The following GGNBP2 variants were observed in gnomAD, a reference collection of about 807,000 sequenced individuals.
The protein encoded by GGNBP2 is gametogenetin-binding protein 2.
In GGNBP2, 10 loss-of-function variants were observed where a neutral mutation model predicts 85.9. The ratio of observed to expected loss-of-function variants is 0.12; its 90% CI spans 0.07 to 0.20. The LOEUF (loss-of-function observed/expected upper bound fraction) is 0.20, where lower values mean the gene tolerates loss of function less well. Ranked by LOEUF, GGNBP2 falls within the 10% of genes least tolerant of loss-of-function variation. The probability of loss-of-function intolerance (pLI) is 1.00; values close to 1 mark genes in which losing one functional copy is unlikely to be tolerated. For synonymous variants in GGNBP2, 287 were observed against 285.7 expected (o/e 1.00, Z -0.05); for missense variants, 595 against 857.8 (o/e 0.69, Z 3.83).
intron 1 of GGNBP2, 160 bp from the exon 2 acceptor site, chr17:36,545,459 C>T (rs1056518982): frequency 5.0e-6 from 2 of 401,852 alleles, no homozygotes; most frequent in Non-Finnish European, 8.8e-6. Context: ...GGGGGCGGGT[C>T]CCGGCGGCGC....
chr17:36,581,410 G>A lies in GGNBP2; in HGVS notation c.1087G>A (p.Glu363Lys), dbSNP rs1361210605. 6.2e-7 allele frequency: 1 copy of A among 1,613,658 alleles called. No homozygotes were observed. Among genetic ancestry groups the A allele is most frequent in the Admixed American group, 1.7e-5 (1 of 59,982 alleles). Residue 363 changes from glutamate (E) to lysine (K), a missense_variant, in exon 9 of 14, where the codon GAA (glutamate) becomes AAA (lysine). Transcript: ENST00000613102. ...EQLCEEFSEE[E>K]RVRELKQEKK... is the part of the protein sequence containing the mutation. ...ACTTTGTGAGGAATTTTCAGAAGAGGAACGAGTAAGAGAACTCAAGCAAGA... is the reference window on the plus strand; with the variant it reads ...ACTTTGTGAGGAATTTTCAGAAGAGAAACGAGTAAGAGAACTCAAGCAAGA...
intron 2 of GGNBP2, among the ~76,000 whole-genome samples, chr17:36,549,621 A>G (rs1293826503): frequency 6.6e-6 from 1 of 152,236 alleles, no homozygotes; most frequent in Admixed American, 6.5e-5. Flanking sequence ...ACACAGATAC[A>G]GTTAATATAT....
chr17:36,586,482 C>A (rs1567836340), intron 12 of GGNBP2: 1 of 398,276 alleles, frequency 2.5e-6, no homozygotes, highest in South Asian at 3.2e-5. Context: ...TAGTCCCTAT[C>A]ATATTAGGTT....
chr17:36,575,382 G>A (rs1555607548), intron 6 of GGNBP2: 2 of 290,900 alleles, frequency 6.9e-6, no homozygotes, highest in East Asian at 1.0e-4. Context: ...GTGTGCTTTT[G>A]GTGTCATAGC....
intron 2 of GGNBP2, among the ~76,000 whole-genome samples, chr17:36,554,298 GACTCCGTC>G (rs1394464667): frequency 4.3e-5 from 4 of 93,096 alleles, no homozygotes; most frequent in Admixed American, 1.6e-4. Flanking sequence ...GACGGAGCAA[GACTCCGTC>G]TCAAAAAAAA....
intron 4 of GGNBP2, among the ~76,000 whole-genome samples, chr17:36,559,284 G>A (rs887155516): frequency 7.6e-5 from 10 of 131,078 alleles, no homozygotes; most frequent in African/African-American, 1.2e-4. Flanking sequence ...GCAACAGAGC[G>A]AGACTCTGTC....
At chr17:36,579,113 G>T in intron 7 of GGNBP2, 132 bp from the exon 8 acceptor site, 1 of 689,330 alleles carries the variant, frequency 1.5e-6, no homozygotes, top group Non-Finnish European at 2.5e-6. Flanking sequence ...CAACATATAC[G>T]TTGAGTGTAA....
intron 6 of GGNBP2, chr17:36,576,629 G>GTGTGTGTGTGTGTATA (rs1203227585): frequency 5.9e-4 from 66 of 111,064 alleles, no homozygotes; most frequent in Middle Eastern, 4.5e-3. Context: ...GTGTGTGTGT[G>GTGTGTGTGTGTGTATA]TATATGTATA....
chr17:36,569,112 T>C (rs2074497473), intron 6 of GGNBP2, among the ~76,000 whole-genome samples: 1 of 151,728 alleles, frequency 6.6e-6, no homozygotes, highest in Non-Finnish European at 1.5e-5. Context: ...GAGACTCCAG[T>C]AGAAAAGGAA....
chr17:36,579,375 A>T lies in GGNBP2; in HGVS notation c.976A>T (p.Met326Leu). Residue 326 changes from methionine (M) to leucine (L), a missense_variant, in exon 8 of 14, where the codon ATG (methionine) becomes TTG (leucine). Physicochemically the swap from Met to Leu is conservative, Grantham distance 15. This residue lies in a region of GGNBP2 where 92 missense variants were observed against 183.9 expected (regional missense o/e 0.50). Coordinates refer to ENST00000613102, the MANE Select transcript of GGNBP2 (RefSeq NM_024835.5). Reference protein sequence around the residue: ...KLRAEEQTWQMLFYLGVDALR... With the variant: ...KLRAEEQTWQLLFYLGVDALR... ...ACGGGCAGAAGAGCAGACATGGCAG[A>T]TGCTTTTCTATCTTGGTGTTGATGC... The T allele has an allele frequency of 6.2e-7, 1 of 1,614,238 alleles. No individual in the cohort carries two copies. The highest frequency in any genetic ancestry group is 8.5e-7 in the Non-Finnish European group (1 of 1,180,036).
At chr17:36,557,620 C>T (rs918366143) in intron 4 of GGNBP2, among the ~76,000 whole-genome samples, 5 of 151,878 alleles carry the variant, frequency 3.3e-5, no homozygotes, top group African/African-American at 4.8e-5. Context: ...GGAAGGCCTC[C>T]CTGATAAAAT....
In GGNBP2 at chr17:36,557,321, T is replaced by C; in HGVS notation, c.413T>C (p.Leu138Ser). 1.2e-6 allele frequency: 2 copies of C among 1,613,324 alleles called. No homozygotes were observed. The highest frequency in any genetic ancestry group is 1.7e-6 in the Non-Finnish European group (2 of 1,179,278). ...ACTGATGCAAAGAAGCTTTATACAT[T>C]ATTTTATGTACATGGGTAAGTATAA... ...CMTDAKKLYT[L>S]FYVHGSKLND... Residue 138 changes from leucine to serine, a missense_variant, in exon 4 of 14, where the codon TTA becomes TCA. Leu to Ser is a moderately radical substitution (Grantham distance 145). Transcript: ENST00000613102.
rs145008227 is a variant in GGNBP2, at chr17:36,580,238, C to T, written c.1020+819C>T. Among the ~76,000 whole-genome samples the T allele has an allele frequency of 6.1e-4, 89 of 146,268 alleles. 1 individual carries two copies. The South Asian group carries it at 0.013, about 21-fold the overall frequency. ...TTTTTTTTTTTTTGAGACGGAGCCT[C>T]GCTCTGTTACCCAGGCTGGAGTGCA... is the stretch of plus-strand genomic sequence containing the variant. On this transcript the variant is annotated intron_variant, in intron 8 of 13. Coordinates refer to ENST00000613102, the MANE Select transcript of GGNBP2 (RefSeq NM_024835.5).
At chr17:36,550,427 G>A (rs1202028506) in intron 2 of GGNBP2, among the ~76,000 whole-genome samples, 1 of 152,036 alleles carries the variant, frequency 6.6e-6, no homozygotes, top group African/African-American at 2.4e-5. Flanking sequence ...ATATCCACTT[G>A]GGAATTAGAT....
At chr17:36,545,382 T>G (rs1284749990) in intron 1 of GGNBP2, 9 of 236,806 alleles carry the variant, frequency 3.8e-5, no homozygotes, top group East Asian at 7.3e-5. Context: ...CGCCTCTCCT[T>G]TGGACCCTGA....
chr17:36,568,630 T>A (rs900646337), intron 6 of GGNBP2, among the ~76,000 whole-genome samples: 1 of 152,210 alleles, frequency 6.6e-6, no homozygotes, highest in Non-Finnish European at 1.5e-5. Context: ...AGTAGCTTTT[T>A]ACTTAATATT....
rs1457175109 is a variant in GGNBP2, at chr17:36,577,844, G to A, written c.642-139G>A. The A allele has an allele frequency of 8.7e-6, 6 of 692,414 alleles. No homozygotes were observed. In the Admixed American group the frequency reaches 1.3e-4, roughly 15 times the overall value. 42.9% of individuals were successfully genotyped at this position (692,414 alleles called of 1,614,324 possible). ...CTAAATTTGTATTTACCTTATGTGCGTATGTTTTAAATGTGTGTATGGAGG... is the reference window on the plus strand; with the variant it reads ...CTAAATTTGTATTTACCTTATGTGCATATGTTTTAAATGTGTGTATGGAGG... On this transcript the variant is annotated intron_variant, in intron 6 of 13. Coordinates refer to ENST00000613102, the MANE Select transcript of GGNBP2 (RefSeq NM_024835.5).
chr17:36,587,043 C>T lies in GGNBP2; in HGVS notation c.1688C>T (p.Thr563Ile). 1 of 1,613,516 alleles carries T rather than the reference C, an allele frequency of 6.2e-7. No homozygotes were observed. Among genetic ancestry groups the T allele is most frequent in the Non-Finnish European group, 8.5e-7 (1 of 1,179,796 alleles). ...ATTACAGATCCAGGTAATCGAGAGACCTCAGGAAATACCATGCACACAGTG... is the reference window on the plus strand; with the variant it reads ...ATTACAGATCCAGGTAATCGAGAGATCTCAGGAAATACCATGCACACAGTG... ...SCITDPGNRE[T>I]SGNTMHTVFH... Residue 563 changes from threonine to isoleucine, a missense_variant, in exon 13 of 14, where the codon ACC becomes ATC. Around this residue, in one of 9 missense-constraint regions of GGNBP2, gnomAD observed 120 missense variants for 126.3 expected, o/e 0.95. Coordinates refer to ENST00000613102, the MANE Select transcript of GGNBP2 (RefSeq NM_024835.5).
intron 7 of GGNBP2, 128 bp downstream of exon 7, chr17:36,578,314 A>C: frequency 1.4e-6 from 1 of 692,548 alleles, no homozygotes. Flanking sequence ...ATGCCTGTAA[A>C]GATTTTGCTT....
Sources: gnomAD v4.1 joint callset for allele counts (sites outside exome capture counted in the v4.1 genomes callset) on GRCh38, gnomAD v4.1.1 for gene constraint, gnomAD v4.1.1 regional missense constraint, MANE v1.5 for transcripts, NCBI Gene and HGNC (gene_info 2026-07-23, HGNC 2026-07-21) for gene names.